The following DAAM1 variants were observed in gnomAD, a reference collection of about 807,000 sequenced individuals.
DAAM1 encodes dishevelled associated activator of morphogenesis 1.
In DAAM1, 52 loss-of-function variants were observed where a neutral mutation model predicts 130.0. The observed-to-expected ratio is 0.40, with a 90% CI of 0.32 to 0.50. DAAM1 has a LOEUF of 0.50. Among genes scored for constraint, DAAM1 ranks in the 20% least tolerant of loss-of-function variants. The pLI is 0.61. For missense variants in DAAM1, 1,134 were observed against 1,303.8 expected (o/e 0.87, Z 2.01); for synonymous variants, 452 against 444.5 (o/e 1.02, Z -0.21).
chr14:59,330,347 T>C (rs1001485649), intron 12 of DAAM1, among the ~76,000 whole-genome samples, 154 bp from the exon 13 acceptor site: 2 of 152,146 alleles, frequency 1.3e-5, no homozygotes, highest in African/African-American at 4.8e-5. Flanking sequence ...CATTTAGCCT[T>C]TGAGTTGCTC....
intron 1 of DAAM1, among the ~76,000 whole-genome samples, chr14:59,196,208 A>T (rs1032851398): frequency 5.3e-5 from 8 of 152,136 alleles, no homozygotes; most frequent in Non-Finnish European, 8.8e-5. Flanking sequence ...TTCTGGACTT[A>T]CTCTTAGATA....
At chr14:59,339,995 A>G in intron 15 of DAAM1, 79 bp from the exon 16 acceptor site, 1 of 1,288,586 alleles carries the variant, frequency 7.8e-7, no homozygotes, top group Non-Finnish European at 1.1e-6. Flanking sequence ...TATATGAACA[A>G]CAATGTAAAG....
chr14:59,290,442 A>G (rs1009926560), intron 2 of DAAM1, among the ~76,000 whole-genome samples: 1 of 152,170 alleles, frequency 6.6e-6, no homozygotes, highest in African/African-American at 2.4e-5. Context: ...AATTTTTGCA[A>G]GCTATATCAG....
chr14:59,235,437 G>C (rs983626188), intron 1 of DAAM1, among the ~76,000 whole-genome samples: 6 of 152,172 alleles, frequency 3.9e-5, no homozygotes, highest in African/African-American at 1.4e-4. Context: ...GCATAGAGGT[G>C]TTTATAGTAT....
chr14:59,292,451 AC>A (rs898425643), intron 3 of DAAM1, among the ~76,000 whole-genome samples: 29 of 152,160 alleles, frequency 1.9e-4, no homozygotes, highest in African/African-American at 6.7e-4. Context: ...ATCTTACATT[AC>A]TCAATAAAGG....
chr14:59,250,624 G>A (rs915375340), intron 1 of DAAM1, among the ~76,000 whole-genome samples: 6 of 152,190 alleles, frequency 3.9e-5, no homozygotes, highest in East Asian at 1.9e-4. Context: ...GCACTCAGGA[G>A]AGTTCATTAG....
intron 2 of DAAM1, among the ~76,000 whole-genome samples, chr14:59,282,049 C>T (rs1197299783): frequency 6.6e-6 from 1 of 152,162 alleles, no homozygotes; most frequent in Non-Finnish European, 1.5e-5. Flanking sequence ...TCATTGTCTG[C>T]AGTGCTTTCT....
At chr14:59,355,072 A>T in intron 19 of DAAM1, 93 bp from the exon 20 acceptor site, 2 of 1,477,188 alleles carry the variant, frequency 1.4e-6, no homozygotes, top group Admixed American at 4.0e-5. Context: ...TCTGTTATTA[A>T]GTGTGTGAAT....
rs190985763 is a variant in DAAM1 at position 59,277,041 on chromosome 14, G to C, written c.183+13381G>C. 1.1e-3 allele frequency among the ~76,000 whole-genome samples: 175 copies of C among 152,188 alleles called. 1 individual carries two copies. Among genetic ancestry groups the C allele is most frequent in the South Asian group, 6.4e-3 (31 of 4,826 alleles). On this transcript the variant is annotated intron_variant, in intron 2 of 24. Transcript: ENST00000360909. ...GACTTCTCTTATTAGCCAAAAACTT[G>C]TATTTTATCTCATTGAAATCTATTG...
rs563475059 is a variant in DAAM1 at position 59,212,298 on chromosome 14, CTTGT to C, written c.-38+23541_-38+23544del. Among the ~76,000 whole-genome samples, 479 of 152,130 alleles carry C rather than the reference CTTGT, an allele frequency of 3.1e-3. 3 individuals are homozygous for C. The highest frequency in any genetic ancestry group is 0.013 in the South Asian group (61 of 4,818). Reference sequence around the variant, plus strand: ...AGTTATAAACTTTTTTGAAGTCAGACTTGTTTGTTTGTTTTTTTAAATAGTATTA... The same window carrying C: ...AGTTATAAACTTTTTTGAAGTCAGACTTGTTTGTTTTTTTAAATAGTATTA... On this transcript the variant is annotated intron_variant, in intron 1 of 24. Transcript: ENST00000360909.
chr14:59,247,004 C>T (rs1270974907), intron 1 of DAAM1, among the ~76,000 whole-genome samples: 1 of 151,974 alleles, frequency 6.6e-6, no homozygotes, highest in Non-Finnish European at 1.5e-5. Flanking sequence ...TATTTTCTTT[C>T]ATAAGTTTTA....
chr14:59,345,432 T>A (rs959058595), intron 16 of DAAM1, among the ~76,000 whole-genome samples: 3 of 152,208 alleles, frequency 2.0e-5, no homozygotes, highest in African/African-American at 7.2e-5. Context: ...AGATGCTTTA[T>A]TTGGGTTTGA....
chr14:59,310,493 T>C (rs2757111), intron 3 of DAAM1, among the ~76,000 whole-genome samples: 20,940 of 152,060 alleles, frequency 0.14, 1,612 homozygotes, highest in Middle Eastern at 0.2. Context: ...ATAGAATTTT[T>C]TCATTCTATA....
At chr14:59,276,366 T>A (rs1356042436) in intron 2 of DAAM1, among the ~76,000 whole-genome samples, 2 of 152,220 alleles carry the variant, frequency 1.3e-5, no homozygotes, top group South Asian at 2.1e-4. Flanking sequence ...GTACTTATTA[T>A]CACCATGTCA....
intron 12 of DAAM1, among the ~76,000 whole-genome samples, chr14:59,327,398 G>GTTTTTTTTTTTTTTTTTTTTTTTT (rs1338982717): frequency 4.1e-5 from 3 of 72,768 alleles, no homozygotes; most frequent in Non-Finnish European, 5.2e-5. Context: ...AGGTCACTTG[G>GTTTTTTTTTTTTTTTTTTTTTTTT]TTTCTTTTTT....
chr14:59,247,006 T>G (rs1489598939), intron 1 of DAAM1, among the ~76,000 whole-genome samples: 1 of 152,168 alleles, frequency 6.6e-6, no homozygotes, highest in Non-Finnish European at 1.5e-5. Flanking sequence ...TTTTCTTTCA[T>G]AAGTTTTATA....
At chr14:59,359,057 T>C (rs1367344696) in intron 20 of DAAM1, among the ~76,000 whole-genome samples, 2 of 152,176 alleles carry the variant, frequency 1.3e-5, no homozygotes, top group Non-Finnish European at 2.9e-5. Flanking sequence ...CCACTGGCAG[T>C]GGTTCAGATT....
At chr14:59,289,878 A>G (rs957234497) in intron 2 of DAAM1, among the ~76,000 whole-genome samples, 1 of 151,682 alleles carries the variant, frequency 6.6e-6, no homozygotes, top group Non-Finnish European at 1.5e-5. Flanking sequence ...GAACCAGCCC[A>G]GAACAGAAAA....
intron 20 of DAAM1, among the ~76,000 whole-genome samples, chr14:59,358,309 C>G (rs1886561716): frequency 6.6e-6 from 1 of 152,192 alleles, no homozygotes; most frequent in African/African-American, 2.4e-5. Flanking sequence ...TACTTGCTGG[C>G]CTTTTCCATC....
Sources: allele counts gnomAD v4.1 joint callset (sites outside exome capture counted in the v4.1 genomes callset), GRCh38; gene constraint gnomAD v4.1.1; transcripts MANE v1.5; gene names NCBI Gene and HGNC (gene_info 2026-07-23, HGNC 2026-07-21).